Variants in NFIX observed in about 807,000 individuals in gnomAD.
The protein encoded by NFIX is nuclear factor 1 X-type.
Under a neutral mutation model 53.3 loss-of-function variants are expected in NFIX, and 2 were observed. The ratio of observed to expected loss-of-function variants is 0.04; its 90% CI spans 0.02 to 0.12. The LOEUF (loss-of-function observed/expected upper bound fraction) is 0.12. Ranked by LOEUF, NFIX falls within the 10% of genes least tolerant of loss-of-function variation. The pLI, the probability that NFIX is intolerant of heterozygous loss-of-function variation, is 1.00. For missense variants in NFIX, 310 were observed against 674.5 expected (o/e 0.46, Z 5.99); for synonymous variants, 244 against 289.0 (o/e 0.84, Z 1.58).
rs528825354 is a variant in NFIX at position 13,071,983 on chromosome 19, G to T, written c.560-1064G>T. 2.0e-5 allele frequency among the ~76,000 whole-genome samples: 3 copies of T among 152,340 alleles called. No individual in the cohort carries two copies. In the South Asian group the frequency reaches 6.2e-4, roughly 32 times the overall value. ...TGAATCAGGGTGGTGGCGAGACCCA[G>T]GAGGCAGGAATGCTCTTTAAAGTCG... On this transcript the variant is annotated intron_variant, in intron 2 of 10. Transcript: ENST00000592199.
At chr19:13,069,716 A>C (rs920372339) in intron 2 of NFIX, 1 of 152,326 alleles carries the variant, frequency 6.6e-6, no homozygotes, top group Non-Finnish European at 1.5e-5. Flanking sequence ...TGCTGCAGTC[A>C]GGTCCCCTCC....
chr19:13,008,767 C>T (rs1232296182), intron 1 of NFIX, among the ~76,000 whole-genome samples: 2 of 152,156 alleles, frequency 1.3e-5, no homozygotes, highest in African/African-American at 2.4e-5. Context: ...CCCTCCAAAC[C>T]CCAGCAAGAA....
In NFIX at chr19:12,998,602, C is replaced by T. The variant is rs2011555556; in HGVS notation, c.27+2738C>T. Among the ~76,000 whole-genome samples the T allele has an allele frequency of 6.6e-6, 1 of 151,982 alleles. No individual in the cohort carries two copies. The highest frequency in any genetic ancestry group is 1.5e-5 in the Non-Finnish European group (1 of 67,990). ...GGGTGGGGGGTGGATGGATGGACCC[C>T]CATCCCCATCCCAACCCTGCCAAGA... On this transcript the variant is annotated intron_variant, in intron 1 of 10. Transcript: ENST00000592199. The surrounding 1 kb of genome is among the most constrained non-coding windows in gnomAD (Gnocchi z 4.4).
intron 1 of NFIX, among the ~76,000 whole-genome samples, chr19:13,010,224 C>T (rs533528498): frequency 6.6e-6 from 1 of 152,236 alleles, no homozygotes; most frequent in Non-Finnish European, 1.5e-5. Flanking sequence ...CCCCATGGCC[C>T]GCTCAGGGGC....
Position 13,075,658 on chromosome 19 carries a change from C to T in NFIX, c.942C>T (p.Asn314=), listed in dbSNP as rs372881529. The change falls in exon 6 of 11, where the codon AAC becomes AAT. Residue 314 remains asparagine (N), a synonymous_variant. Coordinates refer to ENST00000592199, the MANE Select transcript of NFIX (RefSeq NM_001365902.3). Reference sequence around the variant, plus strand: ...GCAGCCAGTCCAGCGGGTGGCCCAACGATGTGGATGCAGGTATGGGTGCGG... The same window carrying T: ...GCAGCCAGTCCAGCGGGTGGCCCAATGATGTGGATGCAGGTATGGGTGCGG... The part of the protein sequence containing the change: ...AGSSQSSGWP[N]DVDAGPASLK... 1.2e-4 allele frequency: 194 copies of T among 1,613,554 alleles called. 1 individual carries two copies. The South Asian group carries it at 1.4e-3, about 12-fold the overall frequency.
Position 13,049,034 on chromosome 19 carries a change from G to A in NFIX, c.559+23482G>A, listed in dbSNP as rs1452618288. On this transcript the variant is annotated intron_variant, in intron 2 of 10. Transcript: ENST00000592199. This position sits in a 1 kb window ranked among gnomAD's most constrained non-coding sequence, Gnocchi z 4.5. The stretch of plus-strand genomic sequence containing the variant: ...AGAGGTTGCAGTGAGACAAGATCGC[G>A]TCACTGTACCCCAGCCTGGGCGACA... 2.6e-5 allele frequency among the ~76,000 whole-genome samples: 4 copies of A among 152,030 alleles called. No homozygotes were observed. Among genetic ancestry groups the A allele is most frequent in the East Asian group, 1.9e-4 (1 of 5,160 alleles).
chr19:13,062,170 C>T (rs895966201), intron 2 of NFIX, among the ~76,000 whole-genome samples: 3 of 152,210 alleles, frequency 2.0e-5, no homozygotes, highest in Admixed American at 2.0e-4. Context: ...GCTCCAGTTC[C>T]TTCCTCTGGT....
At chr19:12,999,530 G>T (rs2011600031) in intron 1 of NFIX, among the ~76,000 whole-genome samples, 1 of 151,996 alleles carries the variant, frequency 6.6e-6, no homozygotes, top group Non-Finnish European at 1.5e-5. Flanking sequence ...ATGCACCAAT[G>T]CGTGCTTCCC....
At chr19:13,091,920 C>A (rs1032399086) in intron 10 of NFIX, among the ~76,000 whole-genome samples, 3 of 152,230 alleles carry the variant, frequency 2.0e-5, no homozygotes, top group Non-Finnish European at 4.4e-5. Context: ...CGTTTGGGGG[C>A]CAAGTCAGAG....
In NFIX at chr19:12,998,968, C is replaced by T. The variant is rs1394444966; in HGVS notation, c.27+3104C>T. Reference sequence around the variant, plus strand: ...CCCCTCGAGATGATACAGATAGCGACGAAGGCACATGGAGACCACGACACC... The same window carrying T: ...CCCCTCGAGATGATACAGATAGCGATGAAGGCACATGGAGACCACGACACC... On this transcript the variant is annotated intron_variant, in intron 1 of 10. Transcript: ENST00000592199. The surrounding 1 kb of genome is among the most constrained non-coding windows in gnomAD (Gnocchi z 4.4). 2.6e-5 allele frequency among the ~76,000 whole-genome samples: 4 copies of T among 152,074 alleles called. No homozygotes were observed. The highest frequency in any genetic ancestry group is 3.9e-4 in the East Asian group (2 of 5,188).
intron 2 of NFIX, among the ~76,000 whole-genome samples, chr19:13,035,201 C>T (rs954479764): frequency 2.0e-5 from 3 of 152,198 alleles, no homozygotes; most frequent in Non-Finnish European, 4.4e-5. Context: ...TCCTCATTTA[C>T]CTTGTGTTGA....
chr19:13,089,338 G>C lies in NFIX; in HGVS notation c.1403-961G>C, dbSNP rs1343731496. On this transcript the variant is annotated intron_variant, in intron 9 of 10. Coordinates refer to ENST00000592199, the MANE Select transcript of NFIX (RefSeq NM_001365902.3). This position sits in a 1 kb window ranked among gnomAD's most constrained non-coding sequence, Gnocchi z 4.8. ...CCTGTGACACTCCTTGCCTCCTCTG[G>C]GGGCATCTTCCCTTCTGGGGGTGCA... Among the ~76,000 whole-genome samples, 1 of 152,118 alleles carries C rather than the reference G, an allele frequency of 6.6e-6. No individual in the cohort carries two copies. The highest frequency in any genetic ancestry group is 2.4e-5 in the African/African-American group (1 of 41,406).
rs2012471461 is a variant in NFIX, at chr19:13,013,250, G to A, written c.28-11771G>A. Among the ~76,000 whole-genome samples the A allele has an allele frequency of 1.3e-5, 2 of 152,058 alleles. No homozygotes were observed. Among genetic ancestry groups the A allele is most frequent in the Admixed American group, 6.5e-5 (1 of 15,276 alleles). ...GGACGGAAAAGTGAAAAAAGAACGT[G>A]TGCGCCCAGCGGACCCGACTTAACC... On this transcript the variant is annotated intron_variant, in intron 1 of 10. Coordinates refer to ENST00000592199, the MANE Select transcript of NFIX (RefSeq NM_001365902.3). This position sits in a 1 kb window ranked among gnomAD's most constrained non-coding sequence, Gnocchi z 5.9.
rs574627218 is a variant in NFIX, at chr19:13,022,912, T to C, written c.28-2109T>C. ...TAACTGCTGGACTTTGCTTGTTCAT[T>C]AGACGTGAACTTGTCGATTGGGCAA... is the stretch of plus-strand genomic sequence containing the variant. On this transcript the variant is annotated intron_variant, in intron 1 of 10. Coordinates refer to ENST00000592199, the MANE Select transcript of NFIX (RefSeq NM_001365902.3). The surrounding 1 kb of genome is among the most constrained non-coding windows in gnomAD (Gnocchi z 4.5). 6.6e-6 allele frequency among the ~76,000 whole-genome samples: 1 copy of C among 152,266 alleles called. No individual in the cohort carries two copies. The highest frequency in any genetic ancestry group is 2.4e-5 in the African/African-American group (1 of 41,558).
chr19:13,003,132 A>G (rs1378408998), intron 1 of NFIX, among the ~76,000 whole-genome samples: 1 of 152,050 alleles, frequency 6.6e-6, no homozygotes. Context: ...TCCATCTCAC[A>G]CAAAGTCACA....
Position 13,006,259 on chromosome 19 carries a change from T to G in NFIX, c.27+10395T>G, listed in dbSNP as rs530810390. Among the ~76,000 whole-genome samples the G allele has an allele frequency of 1.2e-3, 177 of 152,258 alleles. 1 individual carries two copies. Among genetic ancestry groups the G allele is most frequent in the African/African-American group, 4.1e-3 (172 of 41,534 alleles). ...TGAGATGATGATTTTGAACGCTGCC[T>G]TGCTATAGCTCAAGTGCAGCCCACC... On this transcript the variant is annotated intron_variant, in intron 1 of 10. Coordinates refer to ENST00000592199, the MANE Select transcript of NFIX (RefSeq NM_001365902.3). The surrounding 1 kb of genome is among the most constrained non-coding windows in gnomAD (Gnocchi z 5.6).
intron 1 of NFIX, chr19:13,024,540 G>GCCCCGCACGC: frequency 6.5e-7 from 1 of 1,528,004 alleles, no homozygotes; most frequent in Non-Finnish European, 8.8e-7. Flanking sequence ...ACCAGAGGCG[G>GCCCCGCACGC]CCCCGCACGC....
rs1036723277 is a variant in NFIX, at chr19:13,011,686, C to G, written c.28-13335C>G. On this transcript the variant is annotated intron_variant, in intron 1 of 10. Transcript: ENST00000592199. The surrounding 1 kb of genome is among the most constrained non-coding windows in gnomAD (Gnocchi z 6.5). ...GAAGCTGGGCTGCACCCCATGTTGG[C>G]ACGAACACTCCCTCCCCAGTGCCTC... 2.0e-5 allele frequency among the ~76,000 whole-genome samples: 3 copies of G among 152,194 alleles called. No homozygotes were observed. The highest frequency in any genetic ancestry group is 7.2e-5 in the African/African-American group (3 of 41,444).
Position 13,067,359 on chromosome 19 carries a change from C to G in NFIX, c.560-5688C>G, listed in dbSNP as rs562995793. Among the ~76,000 whole-genome samples the G allele has an allele frequency of 1.3e-4, 20 of 152,298 alleles. No individual in the cohort carries two copies. The East Asian group carries it at 1.7e-3, about 13-fold the overall frequency. On this transcript the variant is annotated intron_variant, in intron 2 of 10. Transcript: ENST00000592199. The surrounding 1 kb of genome is among the most constrained non-coding windows in gnomAD (Gnocchi z 4.2). ...CGTTTCCAAAGGCCAGCGGTTCCTG[C>G]AGAGTTGAAGGGGATTCCTCTCTGG...
Sources: gnomAD v4.1 joint callset for allele counts (sites outside exome capture counted in the v4.1 genomes callset) on GRCh38, gnomAD v4.1.1 for gene constraint, Gnocchi (gnomAD v3.1) non-coding constraint, MANE v1.5 for transcripts, NCBI Gene and HGNC (gene_info 2026-07-23, HGNC 2026-07-21) for gene names.